The following SPARCL1 variants were observed in gnomAD, a reference collection of about 807,000 sequenced individuals.
The protein encoded by SPARCL1 is SPARC-like protein 1.
In SPARCL1, 52 loss-of-function variants were observed where a neutral mutation model predicts 67.1. The ratio of observed to expected loss-of-function variants is 0.78; its 90% CI spans 0.62 to 0.98. The LOEUF (loss-of-function observed/expected upper bound fraction) is 0.98, where lower values mean the gene tolerates loss of function less well. Ranked by LOEUF, SPARCL1 falls within the 50% of genes least tolerant of loss-of-function variation. SPARCL1 has a pLI of 0.00. For synonymous variants in SPARCL1, 226 were observed against 267.8 expected, an observed-to-expected ratio of 0.84 and a Z score of 1.52; for missense variants, 717 against 782.4, an observed-to-expected ratio of 0.92 and a Z score of 1.00.
At chr4:87,480,620 G>T in intron 8 of SPARCL1, 100 bp from the exon 9 acceptor site, 2 of 1,130,984 alleles carry the variant, frequency 1.8e-6, no homozygotes, top group Non-Finnish European at 2.5e-6. Context: ...TAACACGATA[G>T]GGGAAAACAA....
Position 87,521,510 on chromosome 4 carries a change from C to T in SPARCL1, c.-12+7535G>A, listed in dbSNP as rs538550877. 3.9e-5 allele frequency among the ~76,000 whole-genome samples: 6 copies of T among 152,244 alleles called. No homozygotes were observed. The Middle Eastern group carries it at 0.014, about 345-fold the overall frequency. ...TTCTAATTGAATTTTCCTTGTGTTG[C>T]CTAGCATTCCCCTGGTTTCTGAACC... is the stretch of plus-strand genomic sequence containing the variant. On this transcript the variant is annotated intron_variant, in intron 1 of 10. Transcript: ENST00000282470.
intron 2 of SPARCL1, among the ~76,000 whole-genome samples, chr4:87,496,355 T>C (rs1267478421): frequency 1.3e-5 from 2 of 152,198 alleles, no homozygotes; most frequent in Non-Finnish European, 1.5e-5. Context: ...CCCCAGTAAC[T>C]GGGACTATAG....
chr4:87,512,389 C>A (rs1725401283), intron 1 of SPARCL1, among the ~76,000 whole-genome samples: 1 of 152,168 alleles, frequency 6.6e-6, no homozygotes, highest in Non-Finnish European at 1.5e-5. Flanking sequence ...AACTTCTGGG[C>A]TTCATTTCCC....
chr4:87,516,382 G>C (rs1225012842), intron 1 of SPARCL1, among the ~76,000 whole-genome samples: 1 of 149,296 alleles, frequency 6.7e-6, no homozygotes, highest in African/African-American at 2.6e-5. Flanking sequence ...TTTTTGTGTG[G>C]AATAGCACTC....
At chr4:87,487,553 A>G (rs1385365504) in intron 7 of SPARCL1, among the ~76,000 whole-genome samples, 1 of 152,162 alleles carries the variant, frequency 6.6e-6, no homozygotes, top group Non-Finnish European at 1.5e-5. Context: ...ACCTTGGTGA[A>G]TCTGACAATT....
At chr4:87,484,073 G>C (rs1019313281) in intron 7 of SPARCL1, among the ~76,000 whole-genome samples, 4 of 152,154 alleles carry the variant, frequency 2.6e-5, no homozygotes, top group Non-Finnish European at 5.9e-5. Context: ...CTGTGCAGAA[G>C]CTCTTTAGTT....
chr4:87,502,910 A>G (rs1055182904), intron 1 of SPARCL1, among the ~76,000 whole-genome samples: 2 of 152,264 alleles, frequency 1.3e-5, no homozygotes, highest in Admixed American at 1.3e-4. Context: ...GACAGATATT[A>G]CAGGGAGATT....
intron 3 of SPARCL1, 63 bp from the exon 4 acceptor site, chr4:87,494,661 G>T: frequency 7.7e-7 from 1 of 1,293,144 alleles, no homozygotes; most frequent in Non-Finnish European, 1.1e-6. Flanking sequence ...TATGCCTAAG[G>T]TAACATTTAA....
rs114226260 is a variant in SPARCL1 at position 87,501,599 on chromosome 4, A to G, written c.-11-2014T>C. ...GAACTCTGATGTGAGTTTTTCCCCAATGTTTTTATGAACATAGTATTTTTT... is the reference window on the plus strand; with the variant it reads ...GAACTCTGATGTGAGTTTTTCCCCAGTGTTTTTATGAACATAGTATTTTTT... On this transcript the variant is annotated intron_variant, in intron 1 of 10. Coordinates refer to ENST00000282470, the MANE Select transcript of SPARCL1 (RefSeq NM_004684.6). Among the ~76,000 whole-genome samples, 829 of 152,000 alleles carry G rather than the reference A, an allele frequency of 5.5e-3. 7 individuals are homozygous for G. The highest frequency in any genetic ancestry group is 0.019 in the African/African-American group (771 of 41,468).
chr4:87,510,334 C>A (rs1291838122), intron 1 of SPARCL1, among the ~76,000 whole-genome samples: 1 of 152,192 alleles, frequency 6.6e-6, no homozygotes, highest in African/African-American at 2.4e-5. Context: ...ATCCCACCTT[C>A]AAGCCGAAAA....
At chr4:87,517,365 A>G (rs115150068) in intron 1 of SPARCL1, among the ~76,000 whole-genome samples, 4,170 of 152,274 alleles carry the variant, frequency 0.027, 77 homozygotes, top group Non-Finnish European at 0.042. Flanking sequence ...CAAACCCTGA[A>G]TCTGCTCTTA....
chr4:87,487,586 G>A (rs1240641038), intron 7 of SPARCL1, among the ~76,000 whole-genome samples: 1 of 152,028 alleles, frequency 6.6e-6, no homozygotes, highest in Non-Finnish European at 1.5e-5. Context: ...GTTGCTCTTC[G>A]TGAGGATTAT....
intron 1 of SPARCL1, among the ~76,000 whole-genome samples, chr4:87,501,133 C>T (rs935177145): frequency 6.6e-6 from 1 of 152,132 alleles, no homozygotes; most frequent in African/African-American, 2.4e-5. Flanking sequence ...TCAACAACCC[C>T]GTAAGGAAAT....
rs78462715 is a variant in SPARCL1, at chr4:87,515,684, A to G, written c.-12+13361T>C. ...AAAGATGATAGCTAGACAGCATTTT[A>G]TAGAGAACATCCAGCATTTGAATTT... On this transcript the variant is annotated intron_variant, in intron 1 of 10. Transcript: ENST00000282470. Among the ~76,000 whole-genome samples the G allele has an allele frequency of 2.0e-3, 307 of 152,314 alleles. 1 individual carries two copies. The highest frequency in any genetic ancestry group is 7.0e-3 in the African/African-American group (292 of 41,570).
intron 10 of SPARCL1, 54 bp downstream of exon 10, chr4:87,479,376 A>G (rs1723709429): frequency 1.3e-6 from 2 of 1,579,398 alleles, no homozygotes; most frequent in South Asian, 2.3e-5. Flanking sequence ...TGCAGGGCTT[A>G]GGGCTTGTCT....
chr4:87,514,221 G>A (rs541844320), intron 1 of SPARCL1, among the ~76,000 whole-genome samples: 75 of 152,268 alleles, frequency 4.9e-4, no homozygotes, highest in Middle Eastern at 6.8e-3. Flanking sequence ...CTGAATTAAT[G>A]TATTTCTATT....
At chr4:87,519,741 T>A (rs1725728634) in intron 1 of SPARCL1, among the ~76,000 whole-genome samples, 1 of 152,188 alleles carries the variant, frequency 6.6e-6, no homozygotes, top group Non-Finnish European at 1.5e-5. Flanking sequence ...ATTTTATTTT[T>A]AAATATCTCA....
At chr4:87,488,062 TTTG>T (rs1451923975) in intron 7 of SPARCL1, among the ~76,000 whole-genome samples, 1 of 152,100 alleles carries the variant, frequency 6.6e-6, no homozygotes, top group Non-Finnish European at 1.5e-5. Flanking sequence ...CTCAGAAGAG[TTTG>T]TTATTACCCA....
intron 4 of SPARCL1, among the ~76,000 whole-genome samples, chr4:87,492,362 G>A (rs1005954918): frequency 1.1e-4 from 17 of 150,788 alleles, no homozygotes; most frequent in African/African-American, 3.9e-4. Context: ...AGGTTGCAGT[G>A]AGCCGAGATT....
Sources: allele counts gnomAD v4.1 joint callset (sites outside exome capture counted in the v4.1 genomes callset), GRCh38; gene constraint gnomAD v4.1.1; transcripts MANE v1.5; gene names NCBI Gene and HGNC (gene_info 2026-07-23, HGNC 2026-07-21).